Variants in FLYWCH2 observed in about 807,000 individuals in gnomAD.
FLYWCH2 encodes FLYWCH family member 2.
A neutral mutation model predicts 6.0 loss-of-function variants in FLYWCH2; 2 were observed. The observed-to-expected ratio is 0.33, with a 90% CI of 0.14 to 1.04. The LOEUF is 1.04. Ranked by LOEUF, FLYWCH2 falls within the 50% of genes least tolerant of loss-of-function variation. The pLI, the probability that FLYWCH2 is intolerant of heterozygous loss-of-function variation, is 0.45. For synonymous variants in FLYWCH2, 87 were observed against 79.3 expected, an observed-to-expected ratio of 1.10 and a Z score of -0.52; for missense variants, 192 against 183.4, an observed-to-expected ratio of 1.05 and a Z score of -0.27.
At chr16:2,886,283 C>T (rs1019289214) in intron 1 of FLYWCH2, among the ~76,000 whole-genome samples, 4 of 152,022 alleles carry the variant, frequency 2.6e-5, no homozygotes, top group African/African-American at 9.7e-5. Flanking sequence ...CTCCACCTCC[C>T]GGGTTCAAGC....
chr16:2,897,592 G>A (rs1330322426), intron 3 of FLYWCH2, among the ~76,000 whole-genome samples: 1 of 152,218 alleles, frequency 6.6e-6, no homozygotes, highest in Non-Finnish European at 1.5e-5. Flanking sequence ...GGGGAACATA[G>A]TCAGGTGGGC....
chr16:2,885,334 C>T (rs75630486), intron 1 of FLYWCH2, among the ~76,000 whole-genome samples: 2 of 40,082 alleles, frequency 5.0e-5, no homozygotes, highest in Non-Finnish European at 1.3e-4. Flanking sequence ...CAAAACAAAA[C>T]AAAAAAAAAA....
At chr16:2,890,441 T>TTC (rs2069744057) in intron 1 of FLYWCH2, among the ~76,000 whole-genome samples, 1 of 147,772 alleles carries the variant, frequency 6.8e-6, no homozygotes, top group Non-Finnish European at 1.5e-5. Flanking sequence ...TGAGACAACG[T>TTC]TCTGCTCTTG....
intron 1 of FLYWCH2, among the ~76,000 whole-genome samples, chr16:2,887,871 A>G (rs2069716007): frequency 6.6e-6 from 1 of 151,970 alleles, no homozygotes; most frequent in Non-Finnish European, 1.5e-5. Context: ...CTGGCCCAAC[A>G]TTTGTCGTTA....
intron 1 of FLYWCH2, among the ~76,000 whole-genome samples, chr16:2,893,509 T>C (rs1246014180): frequency 1.3e-5 from 2 of 152,172 alleles, no homozygotes; most frequent in African/African-American, 4.8e-5. Context: ...TTAACGAGAT[T>C]TTTTTATTTT....
chr16:2,888,093 C>T (rs1488749518), intron 1 of FLYWCH2, among the ~76,000 whole-genome samples: 1 of 152,028 alleles, frequency 6.6e-6, no homozygotes, highest in African/African-American at 2.4e-5. Context: ...ACTGCAACCT[C>T]CGCCTCCCGG....
chr16:2,892,733 A>G (rs2069771895), intron 1 of FLYWCH2, among the ~76,000 whole-genome samples: 1 of 150,972 alleles, frequency 6.6e-6, no homozygotes, highest in African/African-American at 2.4e-5. Context: ...AGTCCCAGCT[A>G]TGTGGGAGGC....
chr16:2,892,906 T>C (rs1690452532), intron 1 of FLYWCH2, among the ~76,000 whole-genome samples: 1 of 47,712 alleles, frequency 2.1e-5, no homozygotes. Flanking sequence ...ATATGTCATA[T>C]AATATATATT....
At chr16:2,896,913 C>T (rs113866382) in intron 3 of FLYWCH2, 142 bp downstream of exon 3, 3 of 823,296 alleles carry the variant, frequency 3.6e-6, no homozygotes, top group Non-Finnish European at 5.6e-6. Flanking sequence ...AGCAGTGGCA[C>T]AGGGGTTAGG....
At chr16:2,887,309 CTTTCTTTT>C (rs2069709159) in intron 1 of FLYWCH2, among the ~76,000 whole-genome samples, 2 of 119,092 alleles carry the variant, frequency 1.7e-5, no homozygotes, top group Non-Finnish European at 3.5e-5. Context: ...CCATGCCCGG[CTTTCTTTT>C]TTTTTTTTTT....
Position 2,896,399 on chromosome 16 carries a change from C to G in FLYWCH2, c.-51C>G. On this transcript the variant is annotated 5_prime_UTR_variant, in exon 3 of 4. It adds an upstream start codon to the 5' untranslated region. Transcript: ENST00000396958. The stretch of plus-strand genomic sequence containing the variant: ...TTCCTTGCCTGGGAGTAGGAGAAAT[C>G]CACCTGCTGGGGGCTGAGTGTGGCC... 5.2e-6 allele frequency: 8 copies of G among 1,540,932 alleles called. No homozygotes were observed. The highest frequency in any genetic ancestry group is 7.0e-6 in the Non-Finnish European group (8 of 1,148,886).
chr16:2,890,259 G>GT (rs1333782127), intron 1 of FLYWCH2, among the ~76,000 whole-genome samples: 5 of 149,870 alleles, frequency 3.3e-5, no homozygotes, highest in African/African-American at 1.2e-4. Context: ...TTGTTTTTTG[G>GT]TTTTTTTGAG....
Position 2,896,498 on chromosome 16 carries a change from A to G in FLYWCH2, c.49A>G (p.Ser17Gly), listed in dbSNP as rs777803349. Residue 17 changes from serine (S) to glycine (G), a missense_variant, in exon 3 of 4, where the codon AGC becomes GGC. Ser to Gly is a moderately conservative substitution (Grantham distance 56, BLOSUM62 0). Coordinates refer to ENST00000396958, the MANE Select transcript of FLYWCH2 (RefSeq NM_138439.3). ...SEQEGESVKASQEPSPKPGTE... is the reference protein window; with the variant it reads ...SEQEGESVKAGQEPSPKPGTE... Reference sequence around the variant, plus strand: ...GCAGGAGGGTGAGAGTGTGAAGGCCAGCCAGGAGCCATCCCCCAAGCCAGG... The same window carrying G: ...GCAGGAGGGTGAGAGTGTGAAGGCCGGCCAGGAGCCATCCCCCAAGCCAGG... The G allele has an allele frequency of 1.9e-6, 3 of 1,614,002 alleles. No individual in the cohort carries two copies. The highest frequency in any genetic ancestry group is 3.3e-5 in the Admixed American group (2 of 60,012).
chr16:2,894,822 C>T (rs2069799473), intron 1 of FLYWCH2, among the ~76,000 whole-genome samples: 1 of 152,176 alleles, frequency 6.6e-6, no homozygotes, highest in Non-Finnish European at 1.5e-5. Flanking sequence ...CATCCTTAGG[C>T]CCCTCTCATG....
chr16:2,895,877 G>A (rs2150850302), intron 2 of FLYWCH2, among the ~76,000 whole-genome samples: 1 of 152,364 alleles, frequency 6.6e-6, no homozygotes, highest in East Asian at 1.9e-4. Flanking sequence ...GTGTGGTCAT[G>A]GGCTCTGTGT....
At chr16:2,889,494 G>A (rs1278196506) in intron 1 of FLYWCH2, among the ~76,000 whole-genome samples, 2 of 151,574 alleles carry the variant, frequency 1.3e-5, no homozygotes, top group African/African-American at 2.4e-5. Context: ...AGAGGCGTGA[G>A]CCACTGCGCC....
rs1242442050 is a variant in FLYWCH2 at position 2,896,695 on chromosome 16, G to T, written c.246G>T (p.Gln82His). 1 of 1,612,732 alleles carries T rather than the reference G, an allele frequency of 6.2e-7. No homozygotes were observed. The highest frequency in any genetic ancestry group is 1.3e-5 in the African/African-American group (1 of 74,916). Reference sequence around the variant, plus strand: ...CCACCCTTGCCAAGGCCCTCCTCCAGACCCACCCCGAGGCCCAGCGGGCCA... The same window carrying T: ...CCACCCTTGCCAAGGCCCTCCTCCATACCCACCCCGAGGCCCAGCGGGCCA... ...GPATLAKALL[Q>H]THPEAQRAIE... Residue 82 changes from glutamine to histidine, a missense_variant, in exon 3 of 4, where the codon CAG becomes CAT. By Grantham distance (24) the Gln-to-His change is conservative (BLOSUM62 0). Coordinates refer to ENST00000396958, the MANE Select transcript of FLYWCH2 (RefSeq NM_138439.3).
At position 2,896,470 on chromosome 16, in the gene FLYWCH2, C is replaced by G. The variant is rs1302682815; in HGVS notation, c.21C>G (p.Ser7Arg). The change falls in exon 3 of 4, where the codon AGC becomes AGG. Residue 7 changes from serine to arginine, a missense_variant. Physicochemically the swap from Ser to Arg is moderately radical, Grantham distance 110 (BLOSUM62 -1). Coordinates refer to ENST00000396958, the MANE Select transcript of FLYWCH2 (RefSeq NM_138439.3). ...CCGGGATGCCCCTGCCCGAGCCCAG[C>G]GAGCAGGAGGGTGAGAGTGTGAAGG... is the stretch of plus-strand genomic sequence containing the variant. The part of the protein sequence containing the change: MPLPEP[S>R]EQEGESVKAS... 1 of 1,612,628 alleles carries G rather than the reference C, an allele frequency of 6.2e-7. No homozygotes were observed. The highest frequency in any genetic ancestry group is 8.5e-7 in the Non-Finnish European group (1 of 1,179,316).
chr16:2,896,365 G>T lies in FLYWCH2; in HGVS notation c.-85G>T. 6.8e-7 allele frequency: 1 copy of T among 1,474,208 alleles called. No homozygotes were observed. The highest frequency in any genetic ancestry group is 2.4e-5 in the East Asian group (1 of 42,288). The allele number at this position is 1,474,208 out of a possible 1,614,324, so 91.3% of individuals were successfully genotyped here. A position where few individuals can be genotyped will look rare whatever the true frequency, so the allele number is the denominator to read the frequency against. Reference sequence around the variant, plus strand: ...TTCCTTCCTTAGGACGGAACCGCTGGACTCCAGGTTCCTTGCCTGGGAGTA... The same window carrying T: ...TTCCTTCCTTAGGACGGAACCGCTGTACTCCAGGTTCCTTGCCTGGGAGTA... On this transcript the variant is annotated 5_prime_UTR_variant, in exon 3 of 4. Coordinates refer to ENST00000396958, the MANE Select transcript of FLYWCH2 (RefSeq NM_138439.3).
Sources: allele counts gnomAD v4.1 joint callset (sites outside exome capture counted in the v4.1 genomes callset), GRCh38; gene constraint gnomAD v4.1.1; transcripts MANE v1.5; gene names NCBI Gene and HGNC (gene_info 2026-07-23, HGNC 2026-07-21).